Variants in PDE11A observed in about 807,000 individuals in gnomAD.
PDE11A encodes dual 3',5'-cyclic-AMP and -GMP phosphodiesterase 11A.
A neutral mutation model predicts 100.5 loss-of-function variants in PDE11A; 100 were observed. That is an observed-to-expected ratio of 1.00 (90% CI 0.85 to 1.18). The LOEUF (loss-of-function observed/expected upper bound fraction) is 1.18, where lower values mean the gene tolerates loss of function less well. PDE11A is among the 50% of genes most tolerant of loss of function. The pLI, the probability that PDE11A is intolerant of heterozygous loss-of-function variation, is 0.00. For missense variants in PDE11A, 1,141 were observed against 1,152.6 expected, an observed-to-expected ratio of 0.99 and a Z score of 0.15; for synonymous variants, 381 against 420.8, an observed-to-expected ratio of 0.91 and a Z score of 1.16.
At chr2:178,010,771 C>T (rs546700189) in intron 2 of PDE11A, among the ~76,000 whole-genome samples, 20 of 152,152 alleles carry the variant, frequency 1.3e-4, no homozygotes, top group African/African-American at 4.6e-4. Context: ...TATGTGGACG[C>T]ATATGTAAGA....
intron 10 of PDE11A, among the ~76,000 whole-genome samples, chr2:177,762,984 T>C (rs937866796): frequency 6.6e-6 from 1 of 152,166 alleles, no homozygotes; most frequent in African/African-American, 2.4e-5. Flanking sequence ...TCCGCCACTA[T>C]CTTCAATACT....
intron 2 of PDE11A, among the ~76,000 whole-genome samples, chr2:177,987,245 G>A (rs2085951597): frequency 6.6e-6 from 1 of 152,148 alleles, no homozygotes; most frequent in Non-Finnish European, 1.5e-5. Flanking sequence ...GGGATGAAGA[G>A]GGAAAAGGGT....
At chr2:177,918,157 C>T (rs1319531158) in intron 2 of PDE11A, among the ~76,000 whole-genome samples, 2 of 152,148 alleles carry the variant, frequency 1.3e-5, no homozygotes, top group Non-Finnish European at 2.9e-5. Context: ...ACTGGGGTAT[C>T]AATCCAAAAT....
chr2:177,734,903 A>G (rs2081751727), intron 10 of PDE11A, among the ~76,000 whole-genome samples: 1 of 152,178 alleles, frequency 6.6e-6, no homozygotes, highest in Non-Finnish European at 1.5e-5. Flanking sequence ...AGTGGAGAAG[A>G]TTTTGGTAAC....
In PDE11A at chr2:177,847,077, C is replaced by T. The variant is rs186503094; in HGVS notation, c.1368-6694G>A. 1.5e-3 allele frequency among the ~76,000 whole-genome samples: 234 copies of T among 152,234 alleles called. 2 individuals are homozygous for T. The highest frequency in any genetic ancestry group is 2.4e-3 in the Non-Finnish European group (164 of 68,020). ...TTCTTCTCCCACCTGTCTCCAATTC[C>T]TTAAGTTACTCCTCTTGTGGCATGC... On this transcript the variant is annotated intron_variant, in intron 5 of 19. Coordinates refer to ENST00000286063, the MANE Select transcript of PDE11A (RefSeq NM_016953.4).
At chr2:178,007,746 C>T (rs968603266) in intron 2 of PDE11A, among the ~76,000 whole-genome samples, 2 of 151,878 alleles carry the variant, frequency 1.3e-5, no homozygotes, top group African/African-American at 4.8e-5. Context: ...GCCCTGTCAC[C>T]CCGGCTGGAG....
At chr2:177,636,071 G>A (rs1405716) in intron 19 of PDE11A, among the ~76,000 whole-genome samples, 118,663 of 151,888 alleles carry the variant, frequency 0.78, 47,068 homozygotes, top group East Asian at 0.9. Context: ...GTGTATTTGC[G>A]TTTTGGTAGA....
At chr2:177,671,294 A>G (rs886693720) in intron 17 of PDE11A, among the ~76,000 whole-genome samples, 20 of 152,284 alleles carry the variant, frequency 1.3e-4, no homozygotes, top group Middle Eastern at 3.4e-3. Context: ...AACTTGCACA[A>G]CTGCTTTGTT....
chr2:177,736,869 C>T (rs769570176), intron 10 of PDE11A, among the ~76,000 whole-genome samples: 2 of 152,186 alleles, frequency 1.3e-5, no homozygotes, highest in Non-Finnish European at 2.9e-5. Flanking sequence ...CCACTGACCA[C>T]CCAATGGAAA....
chr2:177,700,332 A>G (rs1238733137), intron 14 of PDE11A, among the ~76,000 whole-genome samples: 1 of 151,968 alleles, frequency 6.6e-6, no homozygotes, highest in African/African-American at 2.4e-5. Flanking sequence ...TGATGATAAT[A>G]ATAATAATAA....
At position 177,845,436 on chromosome 2, in the gene PDE11A, G is replaced by A. The variant is rs1241414949; in HGVS notation, c.1368-5053C>T. On this transcript the variant is annotated intron_variant, in intron 5 of 19. Transcript: ENST00000286063. Reference sequence around the variant, plus strand: ...GCTCCCCACATCTCAGACGATGGGCGGCCGGGCAGAGACGCTCCTCACTTC... The same window carrying A: ...GCTCCCCACATCTCAGACGATGGGCAGCCGGGCAGAGACGCTCCTCACTTC... Among the ~76,000 whole-genome samples the A allele has an allele frequency of 8.2e-4, 124 of 150,642 alleles. 3 individuals carry two copies. Among genetic ancestry groups the A allele is most frequent in the Middle Eastern group, 6.9e-3 (2 of 290 alleles).
intron 4 of PDE11A, among the ~76,000 whole-genome samples, chr2:177,884,177 C>G (rs1209171119): frequency 6.6e-6 from 1 of 152,192 alleles, no homozygotes; most frequent in East Asian, 1.9e-4. Flanking sequence ...TACCTGAGCT[C>G]TGTGCTCCCC....
chr2:177,654,775 T>C (rs2080357473), intron 19 of PDE11A, among the ~76,000 whole-genome samples: 1 of 152,244 alleles, frequency 6.6e-6, no homozygotes, highest in African/African-American at 2.4e-5. Context: ...TTGCTTTTGA[T>C]ACCTCAACAG....
intron 19 of PDE11A, among the ~76,000 whole-genome samples, chr2:177,631,638 T>TACACAC (rs1574080048): frequency 1.4e-5 from 2 of 138,148 alleles, no homozygotes; most frequent in East Asian, 4.1e-4. Context: ...TGTATATATA[T>TACACAC]ACATATATAT....
Position 177,991,548 on chromosome 2 carries a change from T to C in PDE11A, c.1071+22754A>G, listed in dbSNP as rs1332672345. ...TACTCGGGAGGCTGAGGTAGGAGTA[T>C]CACTTGAACCCAGGAGGCGGAGGTT... is the stretch of plus-strand genomic sequence containing the variant. On this transcript the variant is annotated intron_variant, in intron 2 of 19. Transcript: ENST00000286063. Among the ~76,000 whole-genome samples the C allele has an allele frequency of 8.0e-5, 12 of 150,112 alleles. 1 individual carries two copies. Among genetic ancestry groups the C allele is most frequent in the Non-Finnish European group, 1.6e-4 (11 of 67,670 alleles).
intron 2 of PDE11A, among the ~76,000 whole-genome samples, chr2:177,989,281 C>T (rs2085975390): frequency 6.6e-6 from 1 of 152,150 alleles, no homozygotes; most frequent in Admixed American, 6.5e-5. Flanking sequence ...TTTCCTAAAG[C>T]AATATCAATC....
At chr2:177,688,495 G>A (rs2105518301) in intron 15 of PDE11A, among the ~76,000 whole-genome samples, 1 of 152,260 alleles carries the variant, frequency 6.6e-6, no homozygotes, top group East Asian at 1.9e-4. Context: ...AGAAGCATGA[G>A]GCTGCTAAAA....
At chr2:177,944,801 G>GTGCTCT (rs2085384594) in intron 2 of PDE11A, among the ~76,000 whole-genome samples, 1 of 81,954 alleles carries the variant, frequency 1.2e-5, no homozygotes, top group Admixed American at 1.6e-4. Context: ...GAAGATGCGA[G>GTGCTCT]CGCTCTCCCT....
chr2:177,666,610 A>G (rs2105483023), intron 18 of PDE11A, among the ~76,000 whole-genome samples: 1 of 152,302 alleles, frequency 6.6e-6, no homozygotes, highest in South Asian at 2.1e-4. Context: ...GTGAAGTGAT[A>G]TCTCATTGTG....
Sources: gnomAD v4.1 joint callset for allele counts (sites outside exome capture counted in the v4.1 genomes callset) on GRCh38, gnomAD v4.1.1 for gene constraint, MANE v1.5 for transcripts, NCBI Gene and HGNC (gene_info 2026-07-23, HGNC 2026-07-21) for gene names.